The following PID1 variants were observed in gnomAD, a reference collection of about 807,000 sequenced individuals.
The protein encoded by PID1 is PTB-containing, cubilin and LRP1-interacting protein.
In PID1, 10 loss-of-function variants were observed where a neutral mutation model predicts 19.1. The ratio of observed to expected loss-of-function variants is 0.52; its 90% CI spans 0.32 to 0.89. PID1 has a LOEUF of 0.89. Ranked by LOEUF, PID1 falls within the 40% of genes least tolerant of loss-of-function variation. The pLI, the probability that PID1 is intolerant of heterozygous loss-of-function variation, is 0.03. For missense variants in PID1, 248 were observed against 285.3 expected (o/e 0.87, Z 0.94); for synonymous variants, 130 against 116.0 (o/e 1.12, Z -0.78).
At chr2:229,258,053 A>G (rs1574764135) in intron 1 of PID1, among the ~76,000 whole-genome samples, 1 of 152,180 alleles carries the variant, frequency 6.6e-6, no homozygotes, top group South Asian at 2.1e-4. Flanking sequence ...TTCAACAGCA[A>G]TATCTCCTGA....
At chr2:229,175,923 C>A (rs565394179) in intron 1 of PID1, among the ~76,000 whole-genome samples, 10 of 152,188 alleles carry the variant, frequency 6.6e-5, no homozygotes, top group African/African-American at 2.4e-4. Flanking sequence ...TCCAAATGAT[C>A]TGTGATGGAC....
At chr2:229,226,103 C>T (rs1381687218) in intron 1 of PID1, among the ~76,000 whole-genome samples, 1 of 152,200 alleles carries the variant, frequency 6.6e-6, no homozygotes, top group Non-Finnish European at 1.5e-5. Context: ...CTCTTAAAGT[C>T]ACTTCAGTTG....
chr2:229,109,331 T>G (rs1481151575), intron 2 of PID1, among the ~76,000 whole-genome samples: 1 of 152,154 alleles, frequency 6.6e-6, no homozygotes, highest in Non-Finnish European at 1.5e-5. Context: ...TATTTCTGTG[T>G]TCATGGCAAG....
chr2:229,032,301 G>A (rs775571577), intron 2 of PID1, among the ~76,000 whole-genome samples: 2 of 152,188 alleles, frequency 1.3e-5, no homozygotes, highest in Admixed American at 6.5e-5. Context: ...TCTTCTGTGA[G>A]CACATCCTCC....
chr2:229,232,483 C>A (rs1001910924), intron 1 of PID1, among the ~76,000 whole-genome samples: 3 of 139,910 alleles, frequency 2.1e-5, no homozygotes, highest in Non-Finnish European at 4.6e-5. Context: ...ATCACTTTGG[C>A]CATTAAGTTT....
intron 1 of PID1, among the ~76,000 whole-genome samples, chr2:229,261,789 C>G (rs1249567231): frequency 6.6e-6 from 1 of 152,156 alleles, no homozygotes; most frequent in East Asian, 1.9e-4. Context: ...TGCAGTTGGA[C>G]AGGCTCCCTG....
At chr2:229,117,950 C>T (rs766636886) in intron 2 of PID1, among the ~76,000 whole-genome samples, 3 of 152,090 alleles carry the variant, frequency 2.0e-5, no homozygotes, top group Non-Finnish European at 4.4e-5. Context: ...CATTTATCCT[C>T]ATTGCAATCA....
intron 1 of PID1, chr2:229,244,963 G>T (rs1689963843): frequency 6.6e-6 from 1 of 152,100 alleles, no homozygotes; most frequent in Admixed American, 6.6e-5. Context: ...TCCATAAGCA[G>T]AAGCTTCAGG....
intron 1 of PID1, among the ~76,000 whole-genome samples, chr2:229,184,154 A>ATATCCCATATG (rs1691030308): frequency 4.2e-5 from 1 of 23,824 alleles, no homozygotes; most frequent in East Asian, 9.8e-4. Context: ...TCCCATATGT[A>ATATCCCATATG]TATATCCCAT....
chr2:229,089,195 A>G lies in PID1; in HGVS notation c.178-63087T>C, dbSNP rs1694824028. ...CAGAAGCAAAAGCAGCTGGTCATCA[A>G]TAACTCGCACTTGCTGCTTGCCTGC... On this transcript the variant is annotated intron_variant, in intron 2 of 2. Transcript: ENST00000392055. Among the ~76,000 whole-genome samples, 4 of 152,336 alleles carry G rather than the reference A, an allele frequency of 2.6e-5. 1 individual carries two copies. In the Middle Eastern group the frequency reaches 0.01, roughly 389 times the overall value.
chr2:229,146,722 A>T (rs1317177009), intron 2 of PID1, among the ~76,000 whole-genome samples: 1 of 152,146 alleles, frequency 6.6e-6, no homozygotes, highest in Non-Finnish European at 1.5e-5. Flanking sequence ...TCCTAGATAG[A>T]TAGATTACTG....
chr2:229,106,938 A>G (rs2106143915), intron 2 of PID1, among the ~76,000 whole-genome samples: 1 of 152,302 alleles, frequency 6.6e-6, no homozygotes, highest in Middle Eastern at 3.4e-3. Context: ...GTCTTTGCAG[A>G]TGTAACTGAG....
chr2:229,200,398 G>A (rs1350926321), intron 1 of PID1, among the ~76,000 whole-genome samples: 2 of 151,950 alleles, frequency 1.3e-5, no homozygotes, highest in African/African-American at 2.4e-5. Flanking sequence ...GTATGTGGCT[G>A]AAGTAACATT....
At chr2:229,189,817 T>C (rs1200930481) in intron 1 of PID1, among the ~76,000 whole-genome samples, 1 of 152,188 alleles carries the variant, frequency 6.6e-6, no homozygotes, top group African/African-American at 2.4e-5. Flanking sequence ...AGCTTACCAG[T>C]GTTTCCCAAA....
At chr2:229,051,456 G>A (rs1054468008) in intron 2 of PID1, among the ~76,000 whole-genome samples, 1 of 152,058 alleles carries the variant, frequency 6.6e-6, no homozygotes, top group Non-Finnish European at 1.5e-5. Context: ...TTCTGCCTCA[G>A]CCTCCCAAGT....
At chr2:229,129,428 A>T (rs1254201329) in intron 2 of PID1, among the ~76,000 whole-genome samples, 1 of 151,792 alleles carries the variant, frequency 6.6e-6, no homozygotes, top group Non-Finnish European at 1.5e-5. Context: ...AAAAAAAAAA[A>T]AAGAGAGAGA....
At chr2:229,029,453 T>G (rs28873453) in intron 2 of PID1, among the ~76,000 whole-genome samples, 43,203 of 151,544 alleles carry the variant, frequency 0.29, 6,411 homozygotes, top group Non-Finnish European at 0.31. Flanking sequence ...TTGGCAAGGA[T>G]GAAGAAAAAT....
intron 1 of PID1, among the ~76,000 whole-genome samples, chr2:229,222,347 C>T (rs973927691): frequency 2.0e-5 from 3 of 152,180 alleles, no homozygotes; most frequent in African/African-American, 7.2e-5. Flanking sequence ...CGTACTTACT[C>T]TTAATACCAA....
In PID1 at chr2:229,025,414, C is replaced by A; in HGVS notation, c.*218G>T. On this transcript the variant is annotated 3_prime_UTR_variant, in exon 3 of 3. Coordinates refer to ENST00000392055, the MANE Select transcript of PID1 (RefSeq NM_001100818.2). ...AGAACCTTCCTCCCCATCCACACTC[C>A]CACCCTCCTCACAGTCACAGCAGCA... The A allele has an allele frequency of 1.8e-6, 1 of 568,208 alleles. No homozygotes were observed. The highest frequency in any genetic ancestry group is 3.1e-6 in the Non-Finnish European group (1 of 318,354). The allele number at this position is 568,208 out of a possible 1,614,324, so 35.2% of individuals were successfully genotyped here. A position where few individuals can be genotyped will look rare whatever the true frequency, so the allele number is the denominator to read the frequency against.
Sources: gnomAD v4.1 joint callset for allele counts (sites outside exome capture counted in the v4.1 genomes callset) on GRCh38, gnomAD v4.1.1 for gene constraint, MANE v1.5 for transcripts, NCBI Gene and HGNC (gene_info 2026-07-23, HGNC 2026-07-21) for gene names.